The following GABRG3 variants were observed in gnomAD, a reference collection of about 807,000 sequenced individuals.
GABRG3 encodes the protein gamma-aminobutyric acid receptor subunit gamma-3.
Under a neutral mutation model 48.8 loss-of-function variants are expected in GABRG3, and 25 were observed. The ratio of observed to expected loss-of-function variants is 0.51; its 90% CI spans 0.37 to 0.72. GABRG3 has a LOEUF of 0.72. Ranked by LOEUF, GABRG3 falls within the 30% of genes least tolerant of loss-of-function variation. The pLI, the probability that GABRG3 is intolerant of heterozygous loss-of-function variation, is 0.00. For missense variants in GABRG3, 394 were observed against 577.9 expected (o/e 0.68, Z 3.26); for synonymous variants, 227 against 217.6 (o/e 1.04, Z -0.38).
At chr15:27,030,150 G>T (rs908320886) in intron 3 of GABRG3, among the ~76,000 whole-genome samples, 2 of 152,184 alleles carry the variant, frequency 1.3e-5, no homozygotes, top group South Asian at 4.1e-4. Context: ...ATTTAGAGAT[G>T]CAGACAGGGT....
At chr15:27,382,241 T>C (rs1471107342) in intron 5 of GABRG3, among the ~76,000 whole-genome samples, 1 of 152,182 alleles carries the variant, frequency 6.6e-6, no homozygotes, top group African/African-American at 2.4e-5. Context: ...CCTTGCATGT[T>C]GATGCCATAT....
At position 27,352,336 on chromosome 15, in the gene GABRG3, CG is replaced by C. The variant is rs1166009692; in HGVS notation, c.574+23449del. 6.6e-6 allele frequency among the ~76,000 whole-genome samples: 1 copy of C among 151,972 alleles called. No individual in the cohort carries two copies. Among genetic ancestry groups the C allele is most frequent in the Non-Finnish European group, 1.5e-5 (1 of 67,994 alleles). On this transcript the variant is annotated intron_variant, in intron 5 of 9. Coordinates refer to ENST00000615808, the MANE Select transcript of GABRG3 (RefSeq NM_033223.5). The surrounding 1 kb of genome is among the most constrained non-coding windows in gnomAD (Gnocchi z 4.0). ...ACCCAGGGAGAGCACGATTATCCCCCGCACACTTCAAGGGGTGATGGGGTGG... is the reference window on the plus strand; with the variant it reads ...ACCCAGGGAGAGCACGATTATCCCCCCACACTTCAAGGGGTGATGGGGTGG...
chr15:27,054,213 T>G (rs1410549897), intron 3 of GABRG3, among the ~76,000 whole-genome samples: 1 of 150,776 alleles, frequency 6.6e-6, no homozygotes, highest in Non-Finnish European at 1.5e-5. Context: ...TACTCCAGCC[T>G]GGGCGAAAGA....
At chr15:27,141,823 T>C (rs1898108722) in intron 3 of GABRG3, among the ~76,000 whole-genome samples, 1 of 152,194 alleles carries the variant, frequency 6.6e-6, no homozygotes, top group Non-Finnish European at 1.5e-5. Context: ...GTTTTTCTCT[T>C]TTGGGGACGT....
At chr15:27,479,532 G>C (rs1890044881) in intron 5 of GABRG3, among the ~76,000 whole-genome samples, 1 of 152,222 alleles carries the variant, frequency 6.6e-6, no homozygotes, top group South Asian at 2.1e-4. Context: ...AAGGCAGATT[G>C]CCTCTAAGAA....
chr15:27,302,854 A>G (rs1003960442), intron 3 of GABRG3, among the ~76,000 whole-genome samples: 2 of 152,042 alleles, frequency 1.3e-5, no homozygotes, highest in Admixed American at 6.6e-5. Flanking sequence ...CATGGAAATT[A>G]AACAACATAC....
chr15:27,100,065 A>T (rs1397483625), intron 3 of GABRG3, among the ~76,000 whole-genome samples: 3 of 151,962 alleles, frequency 2.0e-5, no homozygotes, highest in Non-Finnish European at 4.4e-5. Context: ...AAATACAAAA[A>T]AAATTAGCTG....
At chr15:26,971,875 A>C (rs963342954) in intron 1 of GABRG3, among the ~76,000 whole-genome samples, 23 of 152,248 alleles carry the variant, frequency 1.5e-4, no homozygotes, top group Non-Finnish European at 1.8e-4. Flanking sequence ...AACCAGGTTC[A>C]GGGGGCAGGG....
At chr15:27,416,426 G>A (rs577354382) in intron 5 of GABRG3, among the ~76,000 whole-genome samples, 20 of 152,162 alleles carry the variant, frequency 1.3e-4, no homozygotes, top group Non-Finnish European at 2.5e-4. Context: ...GTTAGGCTGT[G>A]TTTGAACAGT....
intron 2 of GABRG3, among the ~76,000 whole-genome samples, chr15:27,001,912 G>T (rs796787768): frequency 2.3e-5 from 1 of 44,254 alleles, no homozygotes; most frequent in African/African-American, 9.2e-5. Context: ...TTAAGATATG[G>T]TCAGTGCAAA....
chr15:27,297,161 AGTAC>A (rs1347276436), intron 3 of GABRG3, among the ~76,000 whole-genome samples: 3 of 152,252 alleles, frequency 2.0e-5, no homozygotes, highest in Non-Finnish European at 1.5e-5. Flanking sequence ...TTTGTATAGT[AGTAC>A]ATATGTTTGC....
intron 5 of GABRG3, among the ~76,000 whole-genome samples, chr15:27,388,036 G>T (rs1409618160): frequency 8.6e-6 from 1 of 116,406 alleles, no homozygotes. Flanking sequence ...GGGAGGAAAG[G>T]AAGGAAGGAA....
At chr15:27,325,056 T>C (rs1190217348) in intron 3 of GABRG3, among the ~76,000 whole-genome samples, 4 of 117,736 alleles carry the variant, frequency 3.4e-5, no homozygotes, top group African/African-American at 1.0e-4. Flanking sequence ...ACACCAGGCG[T>C]CTGGCTTCCA....
intron 5 of GABRG3, among the ~76,000 whole-genome samples, chr15:27,453,814 C>T (rs767930447): frequency 6.6e-6 from 1 of 152,212 alleles, no homozygotes; most frequent in African/African-American, 2.4e-5. Context: ...GCTGCCCAGG[C>T]TGGTCTTCCA....
At chr15:27,263,477 A>T (rs986375432) in intron 3 of GABRG3, among the ~76,000 whole-genome samples, 1 of 152,144 alleles carries the variant, frequency 6.6e-6, no homozygotes, top group South Asian at 2.1e-4. Context: ...CACTTTCTCA[A>T]ACAAGCAGAT....
rs1555405989 is a variant in GABRG3 at position 27,145,606 on chromosome 15, T to TATCTATCTATCTATCTATCTATC, written c.270+118786_270+118808dup. 4.4e-3 allele frequency among the ~76,000 whole-genome samples: 526 copies of TATCTATCTATCTATCTATCTATC among 118,342 alleles called. 3 individuals carry two copies. Among genetic ancestry groups the TATCTATCTATCTATCTATCTATC allele is most frequent in the South Asian group, 0.012 (41 of 3,442 alleles). The allele number at this position is 118,342 out of a possible 152,430, so 77.6% of individuals were successfully genotyped here. A position where few individuals can be genotyped will look rare whatever the true frequency, so the allele number is the denominator to read the frequency against. On this transcript the variant is annotated intron_variant, in intron 3 of 9. Coordinates refer to ENST00000615808, the MANE Select transcript of GABRG3 (RefSeq NM_033223.5). ...AGGCATATATACATATATCTATCTC[T>TATCTATCTATCTATCTATCTATC]ATCTATCTATCTATCTATCTATCTA... is the stretch of plus-strand genomic sequence containing the variant.
rs533551961 is a variant in GABRG3 at position 27,444,224 on chromosome 15, C to A, written c.575-36426C>A. Reference sequence around the variant, plus strand: ...ACTTCATCAATCATGTTTTTCAAATCTTCTTACTATGTAGTGATTTTTTTG... The same window carrying A: ...ACTTCATCAATCATGTTTTTCAAATATTCTTACTATGTAGTGATTTTTTTG... On this transcript the variant is annotated intron_variant, in intron 5 of 9. Coordinates refer to ENST00000615808, the MANE Select transcript of GABRG3 (RefSeq NM_033223.5). 4.5e-4 allele frequency among the ~76,000 whole-genome samples: 69 copies of A among 152,194 alleles called. 1 individual carries two copies. Among genetic ancestry groups the A allele is most frequent in the African/African-American group, 1.6e-3 (68 of 41,526 alleles).
At chr15:27,136,397 A>G (rs979514386) in intron 3 of GABRG3, among the ~76,000 whole-genome samples, 3 of 152,200 alleles carry the variant, frequency 2.0e-5, no homozygotes, top group Admixed American at 2.0e-4. Flanking sequence ...ATACCCTTAA[A>G]TTATGTCTGA....
intron 3 of GABRG3, among the ~76,000 whole-genome samples, chr15:27,123,078 C>A (rs1212343018): frequency 6.6e-6 from 1 of 152,128 alleles, no homozygotes; most frequent in Non-Finnish European, 1.5e-5. Context: ...AAGCGTATTA[C>A]CCTCACATGC....
Sources: gnomAD v4.1 joint callset for allele counts (sites outside exome capture counted in the v4.1 genomes callset) on GRCh38, gnomAD v4.1.1 for gene constraint, Gnocchi (gnomAD v3.1) non-coding constraint, MANE v1.5 for transcripts, NCBI Gene and HGNC (gene_info 2026-07-23, HGNC 2026-07-21) for gene names.